Variants in FSTL5 observed in about 807,000 individuals in gnomAD.
FSTL5 encodes the protein follistatin like 5.
FSTL5 carries 62 observed loss-of-function variants against 89.1 expected under a neutral mutation model. The observed-to-expected ratio is 0.70, with a 90% CI of 0.57 to 0.86. The LOEUF (loss-of-function observed/expected upper bound fraction) is 0.86, where lower values mean the gene tolerates loss of function less well. Among genes scored for constraint, FSTL5 ranks in the 40% least tolerant of loss-of-function variants. The pLI is 0.00. For synonymous variants in FSTL5, 383 were observed against 346.2 expected (o/e 1.11, Z -1.18); for missense variants, 1,057 against 1,001.6 (o/e 1.06, Z -0.75).
In FSTL5 at chr4:162,105,515, A is replaced by G. The variant is rs369479234; in HGVS notation, c.126+5756T>C. ...AACCTAGGACTCTGATTTTTTAATT[A>G]TTCTTCAATAGTTCTTGCACAATCA... On this transcript the variant is annotated intron_variant, in intron 2 of 15. Transcript: ENST00000306100. Among the ~76,000 whole-genome samples the G allele has an allele frequency of 2.4e-4, 37 of 152,236 alleles. 2 individuals carry two copies. In the East Asian group the frequency reaches 6.8e-3, roughly 28 times the overall value.
chr4:161,823,092 G>A (rs185157806), intron 4 of FSTL5, among the ~76,000 whole-genome samples: 3 of 152,288 alleles, frequency 2.0e-5, no homozygotes, highest in Admixed American at 1.3e-4. Flanking sequence ...GGAAGTGCAT[G>A]CTGACTGATT....
chr4:162,061,416 G>T (rs932115607), intron 2 of FSTL5, among the ~76,000 whole-genome samples: 2 of 152,174 alleles, frequency 1.3e-5, no homozygotes, highest in African/African-American at 4.8e-5. Flanking sequence ...TTCCAGGTCA[G>T]TGGATGCCTC....
At chr4:161,419,757 CA>C (rs1331329659) in intron 15 of FSTL5, among the ~76,000 whole-genome samples, 70 of 152,188 alleles carry the variant, frequency 4.6e-4, no homozygotes, top group Admixed American at 4.3e-3. Flanking sequence ...GTTCAGGAAT[CA>C]AAGGGTGGAA....
At chr4:161,950,861 T>C (rs919603919) in intron 3 of FSTL5, among the ~76,000 whole-genome samples, 1 of 152,116 alleles carries the variant, frequency 6.6e-6, no homozygotes, top group African/African-American at 2.4e-5. Context: ...CCCTTCAGGA[T>C]TCTAAACAAT....
intron 15 of FSTL5, among the ~76,000 whole-genome samples, chr4:161,401,178 G>A (rs1330117845): frequency 6.6e-6 from 1 of 152,168 alleles, no homozygotes. Context: ...AAACAAGGTT[G>A]AAGTAGTTGA....
chr4:161,874,672 C>T (rs967484294), intron 4 of FSTL5, among the ~76,000 whole-genome samples: 3 of 149,674 alleles, frequency 2.0e-5, no homozygotes, highest in East Asian at 2.0e-4. Flanking sequence ...TTGGGGTATA[C>T]GTTTGAGTTG....
intron 12 of FSTL5, among the ~76,000 whole-genome samples, chr4:161,492,048 C>T (rs1205988274): frequency 6.6e-6 from 1 of 152,110 alleles, no homozygotes; most frequent in African/African-American, 2.4e-5. Context: ...ATTTCATCTC[C>T]ATTTTATCCT....
At chr4:162,030,135 G>C (rs953628416) in intron 3 of FSTL5, among the ~76,000 whole-genome samples, 2 of 151,790 alleles carry the variant, frequency 1.3e-5, no homozygotes, top group African/African-American at 4.8e-5. Flanking sequence ...TGGTCTTCTG[G>C]TCTTGAACTC....
intron 12 of FSTL5, among the ~76,000 whole-genome samples, chr4:161,494,101 C>A (rs1397832201): frequency 2.6e-5 from 4 of 152,130 alleles, no homozygotes; most frequent in Non-Finnish European, 5.9e-5. Flanking sequence ...GAATAATCTT[C>A]TAAGGAATAG....
At chr4:161,799,400 A>T (rs982203540) in intron 4 of FSTL5, among the ~76,000 whole-genome samples, 6 of 151,854 alleles carry the variant, frequency 4.0e-5, no homozygotes, top group Middle Eastern at 3.4e-3. Flanking sequence ...TTCAGTTTGA[A>T]GATATCCCTT....
At chr4:161,669,125 A>AT (rs1553956619) in intron 6 of FSTL5, among the ~76,000 whole-genome samples, 5 of 145,018 alleles carry the variant, frequency 3.4e-5, no homozygotes, top group Middle Eastern at 3.6e-3. Flanking sequence ...AAAAAAAAAA[A>AT]AATAAAATAA....
chr4:161,996,308 C>G (rs1397001203), intron 3 of FSTL5, among the ~76,000 whole-genome samples: 2 of 152,214 alleles, frequency 1.3e-5, no homozygotes, highest in Non-Finnish European at 2.9e-5. Context: ...ATACTCTGCT[C>G]TGGCAGAACT....
intron 15 of FSTL5, among the ~76,000 whole-genome samples, chr4:161,437,082 C>T (rs1732582263): frequency 2.6e-5 from 4 of 151,966 alleles, no homozygotes; most frequent in Non-Finnish European, 4.4e-5. Flanking sequence ...TTGCATATAA[C>T]GCCATTAAAA....
intron 7 of FSTL5, among the ~76,000 whole-genome samples, chr4:161,655,333 C>T (rs1055733236): frequency 2.0e-5 from 3 of 151,914 alleles, no homozygotes; most frequent in Non-Finnish European, 2.9e-5. Context: ...AACTATCCAG[C>T]TCTTACTCAG....
intron 5 of FSTL5, among the ~76,000 whole-genome samples, chr4:161,773,957 A>G (rs569786817): frequency 7.0e-4 from 107 of 152,140 alleles, no homozygotes; most frequent in Non-Finnish European, 1.4e-3. Flanking sequence ...TCATTCAATG[A>G]GTGGATAAAG....
intron 15 of FSTL5, among the ~76,000 whole-genome samples, chr4:161,447,798 T>G (rs1194897559): frequency 1.3e-5 from 2 of 152,094 alleles, no homozygotes; most frequent in African/African-American, 4.8e-5. Flanking sequence ...AGATGAAGCT[T>G]TGCACCCATG....
intron 13 of FSTL5, among the ~76,000 whole-genome samples, chr4:161,460,768 T>A (rs1312625351): frequency 1.3e-5 from 2 of 152,100 alleles, no homozygotes; most frequent in Non-Finnish European, 2.9e-5. Context: ...TACCCCTTTT[T>A]TCCTCGCTAA....
chr4:161,476,180 T>G (rs1578863455), intron 13 of FSTL5, among the ~76,000 whole-genome samples: 1 of 102,090 alleles, frequency 9.8e-6, no homozygotes, highest in South Asian at 3.9e-4. Context: ...CTGGTTTTTT[T>G]TTTTTTTTGT....
At chr4:161,437,426 G>C (rs890839676) in intron 15 of FSTL5, among the ~76,000 whole-genome samples, 3 of 151,732 alleles carry the variant, frequency 2.0e-5, no homozygotes, top group Admixed American at 6.6e-5. Context: ...AATTCGCCGG[G>C]CGTGGTGGCG....
Sources: gnomAD v4.1 joint callset for allele counts (sites outside exome capture counted in the v4.1 genomes callset) on GRCh38, gnomAD v4.1.1 for gene constraint, MANE v1.5 for transcripts, NCBI Gene and HGNC (gene_info 2026-07-23, HGNC 2026-07-21) for gene names.